The following DDHD1 variants were observed in gnomAD, a reference collection of about 807,000 sequenced individuals.
DDHD1 encodes DDHD domain containing 1, also known as phospholipase DDHD1.
DDHD1 carries 49 observed loss-of-function variants against 96.4 expected under a neutral mutation model. The observed-to-expected ratio is 0.51, with a 90% CI of 0.40 to 0.64. The LOEUF is 0.64. Ranked by LOEUF, DDHD1 falls within the 30% of genes least tolerant of loss-of-function variation. The probability of loss-of-function intolerance (pLI) is 0.00; values close to 1 mark genes in which losing one functional copy is unlikely to be tolerated. For synonymous variants in DDHD1, 442 were observed against 446.5 expected, an observed-to-expected ratio of 0.99 and a Z score of 0.13; for missense variants, 1,106 against 1,161.2, an observed-to-expected ratio of 0.95 and a Z score of 0.69.
rs543825682 is a variant in DDHD1, at chr14:53,076,905, T to C, written c.1290-3058A>G. ...TTTTTAAAGACATTATGCTATCACA[T>C]ACTTGTTTACAGTGTCGTGTAAACA... On this transcript the variant is annotated intron_variant, in intron 4 of 12. Transcript: ENST00000673822. Among the ~76,000 whole-genome samples the C allele has an allele frequency of 2.1e-4, 32 of 152,356 alleles. 1 individual carries two copies. Among genetic ancestry groups the C allele is most frequent in the African/African-American group, 7.7e-4 (32 of 41,596 alleles).
intron 1 of DDHD1, among the ~76,000 whole-genome samples, chr14:53,110,523 G>C (rs1242425127): frequency 1.3e-5 from 2 of 152,124 alleles, no homozygotes; most frequent in Non-Finnish European, 2.9e-5. Context: ...TACTTCTTCA[G>C]GAAAGCCTTT....
At chr14:53,117,247 T>A (rs1888615606) in intron 1 of DDHD1, among the ~76,000 whole-genome samples, 1 of 152,194 alleles carries the variant, frequency 6.6e-6, no homozygotes, top group African/African-American at 2.4e-5. Context: ...GTGAATGATT[T>A]CTGCATTTCC....
At chr14:53,115,691 A>T (rs1405232459) in intron 1 of DDHD1, among the ~76,000 whole-genome samples, 2 of 110,256 alleles carry the variant, frequency 1.8e-5, no homozygotes, top group Non-Finnish European at 4.1e-5. Context: ...GGATTTTGTC[A>T]TCACCAAGCC....
At chr14:53,122,736 A>G (rs984981343) in intron 1 of DDHD1, among the ~76,000 whole-genome samples, 1 of 150,352 alleles carries the variant, frequency 6.7e-6, no homozygotes, top group African/African-American at 2.4e-5. Context: ...TTTTTTTTTT[A>G]ATTTTTATTT....
chr14:53,118,403 A>T (rs1178633404), intron 1 of DDHD1, among the ~76,000 whole-genome samples: 2 of 152,206 alleles, frequency 1.3e-5, no homozygotes, highest in Non-Finnish European at 2.9e-5. Flanking sequence ...CAAGAAAGCT[A>T]AAAACCTTGA....
At chr14:53,133,171 G>A (rs1331170342) in intron 1 of DDHD1, among the ~76,000 whole-genome samples, 1 of 152,126 alleles carries the variant, frequency 6.6e-6, no homozygotes, top group East Asian at 1.9e-4. Flanking sequence ...ACTCCTCAGG[G>A]ATTGTTCAGG....
chr14:53,105,963 G>A (rs1206739581), intron 1 of DDHD1, among the ~76,000 whole-genome samples: 1 of 150,982 alleles, frequency 6.6e-6, no homozygotes, highest in Non-Finnish European at 1.5e-5. Context: ...CTCTCCTGTG[G>A]TGGTGGTGGT....
chr14:53,126,996 A>T (rs529940384), intron 1 of DDHD1, among the ~76,000 whole-genome samples: 202 of 152,280 alleles, frequency 1.3e-3, no homozygotes, highest in African/African-American at 4.2e-3. Context: ...AAAATTTTTT[A>T]AAAAAGAACA....
chr14:53,114,058 G>A (rs559696370), intron 1 of DDHD1, among the ~76,000 whole-genome samples: 1 of 152,306 alleles, frequency 6.6e-6, no homozygotes, highest in African/African-American at 2.4e-5. Context: ...CCATTACCAA[G>A]GCTTTAGTAG....
chr14:53,151,126 A>AATATT (rs1891323351), intron 1 of DDHD1, among the ~76,000 whole-genome samples: 1 of 152,234 alleles, frequency 6.6e-6, no homozygotes, highest in Admixed American at 6.5e-5. Flanking sequence ...TATATATTGC[A>AATATT]CTAGGCCCTA....
At chr14:53,106,472 A>G (rs565815720) in intron 1 of DDHD1, among the ~76,000 whole-genome samples, 2 of 152,280 alleles carry the variant, frequency 1.3e-5, no homozygotes, top group East Asian at 3.9e-4. Context: ...CAGCCTAGCC[A>G]ACACAGCAAA....
chr14:53,132,040 G>A (rs544185047), intron 1 of DDHD1, among the ~76,000 whole-genome samples: 1 of 152,160 alleles, frequency 6.6e-6, no homozygotes, highest in South Asian at 2.1e-4. Flanking sequence ...TTGCCATCCT[G>A]ACAAAACCAT....
intron 12 of DDHD1, among the ~76,000 whole-genome samples, chr14:53,048,135 T>C (rs1219116970): frequency 6.6e-6 from 1 of 152,360 alleles, no homozygotes; most frequent in African/African-American, 2.4e-5. Flanking sequence ...ATAGGTATTT[T>C]GTGACAATAC....
chr14:53,074,773 T>C (rs973822176), intron 4 of DDHD1, among the ~76,000 whole-genome samples: 3 of 152,156 alleles, frequency 2.0e-5, no homozygotes, highest in Non-Finnish European at 4.4e-5. Flanking sequence ...AATTGCACTC[T>C]GCAGATATTG....
intron 9 of DDHD1, among the ~76,000 whole-genome samples, 180 bp from the exon 10 acceptor site, chr14:53,056,092 AATG>A (rs1370259436): frequency 6.6e-6 from 1 of 152,180 alleles, no homozygotes; most frequent in African/African-American, 2.4e-5. Context: ...CACTTGATCT[AATG>A]ATGAGATTAT....
chr14:53,051,696 G>A (rs1489197493), intron 12 of DDHD1, 148 bp downstream of exon 12: 1 of 614,274 alleles, frequency 1.6e-6, no homozygotes, highest in Non-Finnish European at 2.7e-6. Context: ...AGAAAATATG[G>A]GATGAAAATA....
At chr14:53,068,243 C>CTTTTTTTTTTTTTTTTT (rs55662153) in intron 6 of DDHD1, among the ~76,000 whole-genome samples, 1 of 104,478 alleles carries the variant, frequency 9.6e-6, no homozygotes, top group African/African-American at 3.9e-5. Flanking sequence ...CTTTATGATA[C>CTTTTTTTTTTTTTTTTT]TTTTTTTTTT....
chr14:53,093,751 C>T (rs775636438), intron 2 of DDHD1: 2 of 283,634 alleles, frequency 7.1e-6, no homozygotes, highest in Non-Finnish European at 1.3e-5. Context: ...TAACTGCTTT[C>T]CCGGGTGATG....
intron 2 of DDHD1, among the ~76,000 whole-genome samples, chr14:53,095,001 T>C (rs769044211): frequency 1.8e-4 from 28 of 152,158 alleles, no homozygotes; most frequent in Admixed American, 3.9e-4. Context: ...TATATATCCC[T>C]AGCACCAAAC....
Sources: gnomAD v4.1 joint callset for allele counts (sites outside exome capture counted in the v4.1 genomes callset) on GRCh38, gnomAD v4.1.1 for gene constraint, MANE v1.5 for transcripts, NCBI Gene and HGNC (gene_info 2026-07-23, HGNC 2026-07-21) for gene names.